Variants in SP3 observed in about 807,000 individuals in gnomAD.
The protein encoded by SP3 is transcription factor Sp3.
In SP3, 10 loss-of-function variants were observed where a neutral mutation model predicts 70.3. That is an observed-to-expected ratio of 0.14 (90% CI 0.09 to 0.24). The LOEUF (loss-of-function observed/expected upper bound fraction) is 0.24, where lower values mean the gene tolerates loss of function less well. Ranked by LOEUF, SP3 falls within the 10% of genes least tolerant of loss-of-function variation. SP3 has a pLI of 1.00. For missense variants in SP3, 825 were observed against 914.6 expected (o/e 0.90, Z 1.26); for synonymous variants, 402 against 333.5 (o/e 1.21, Z -2.24).
In SP3 at chr2:173,908,405, C is replaced by T. The variant is rs915834765; in HGVS notation, c.*1536G>A. 6.6e-6 allele frequency: 1 copy of T among 152,166 alleles called. No homozygotes were observed. The highest frequency in any genetic ancestry group is 2.1e-4 in the South Asian group (1 of 4,818). The allele number at this position is 152,166 out of a possible 1,614,324, so 9.4% of individuals were successfully genotyped here. On this transcript the variant is annotated 3_prime_UTR_variant, in exon 7 of 7. Transcript: ENST00000310015. Reference sequence around the variant, plus strand: ...TATATATCTCTTCTTCAAATAAATGCCTGTTTACAATTCAGTGTCTAAAAT... The same window carrying T: ...TATATATCTCTTCTTCAAATAAATGTCTGTTTACAATTCAGTGTCTAAAAT...
chr2:173,963,880 T>C lies in SP3; in HGVS notation c.160A>G (p.Thr54Ala). The C allele has an allele frequency of 6.7e-7, 1 of 1,503,040 alleles. No homozygotes were observed. The highest frequency in any genetic ancestry group is 8.9e-7 in the Non-Finnish European group (1 of 1,124,100). 93.1% of individuals were successfully genotyped at this position (1,503,040 alleles called of 1,614,324 possible). ...AVAAAAAAQDTQPSPLALLAA... is the reference protein window; with the variant it reads ...AVAAAAAAQDAQPSPLALLAA... ...AGCAGAGCGAGCGGTGACGGCTGAG[T>C]GTCCTACCCCCAATGGGCGGGTTCA... The change falls in exon 3 of 7, where the codon ACT becomes GCT. Residue 54 changes from threonine to alanine, a missense_variant. This residue lies in a region of SP3 where 678 missense variants were observed against 651.6 expected (regional missense o/e 1.04). Coordinates refer to ENST00000310015, the MANE Select transcript of SP3 (RefSeq NM_003111.5).
At chr2:173,921,069 T>C (rs530411195) in intron 4 of SP3, among the ~76,000 whole-genome samples, 1 of 152,180 alleles carries the variant, frequency 6.6e-6, no homozygotes, top group Non-Finnish European at 1.5e-5. Context: ...TAAAATTTCA[T>C]CAAGTTATAT....
At chr2:173,952,722 T>C (rs910145789) in intron 4 of SP3, among the ~76,000 whole-genome samples, 1 of 152,108 alleles carries the variant, frequency 6.6e-6, no homozygotes, top group African/African-American at 2.4e-5. Context: ...CAGCCATATA[T>C]AAAGAAATGA....
chr2:173,932,928 C>T (rs1317206691), intron 4 of SP3, among the ~76,000 whole-genome samples: 2 of 152,058 alleles, frequency 1.3e-5, no homozygotes, highest in East Asian at 3.9e-4. Context: ...AGAGGCAGAG[C>T]TTGCAGTGAG....
intron 4 of SP3, among the ~76,000 whole-genome samples, chr2:173,936,823 T>TA (rs1157500347): frequency 2.0e-5 from 3 of 152,060 alleles, no homozygotes; most frequent in Non-Finnish European, 4.4e-5. Flanking sequence ...TAAACCTTGT[T>TA]AGTAAACATC....
At chr2:173,956,287 CAA>C in intron 3 of SP3, 55 bp from the exon 4 acceptor site, 3 of 1,508,558 alleles carry the variant, frequency 2.0e-6, no homozygotes, top group Middle Eastern at 3.6e-4. Flanking sequence ...AATCAACCCT[CAA>C]AAAATTCTAA....
At chr2:173,956,956 A>T (rs960863041) in intron 3 of SP3, among the ~76,000 whole-genome samples, 1 of 152,166 alleles carries the variant, frequency 6.6e-6, no homozygotes, top group African/African-American at 2.4e-5. Context: ...CTGGTGTATT[A>T]ATACAATTTG....
At position 173,963,783 on chromosome 2, in the gene SP3, C is replaced by G; in HGVS notation, c.257G>C (p.Gly86Ala). Residue 86 changes from glycine (G) to alanine (A), a missense_variant, in exon 3 of 7, where the codon GGG (glycine) becomes GCG (alanine). Around this residue, in one of 4 missense-constraint regions of SP3, gnomAD observed 678 missense variants for 651.6 expected, o/e 1.04. Transcript: ENST00000310015. ...DDEEEAAAAA[G>A]APAAAGATGD... Reference sequence around the variant, plus strand: ...TACCGCTCCGGCGGCGGCGGGGGCCCCGGCTGCGGCGGCCGCCTCCTCCTC... The same window carrying G: ...TACCGCTCCGGCGGCGGCGGGGGCCGCGGCTGCGGCGGCCGCCTCCTCCTC... The G allele has an allele frequency of 7.3e-7, 1 of 1,377,026 alleles. No homozygotes were observed. The highest frequency in any genetic ancestry group is 9.5e-7 in the Non-Finnish European group (1 of 1,049,582). The allele number at this position is 1,377,026 out of a possible 1,614,324, so 85.3% of individuals were successfully genotyped here.
At position 173,915,036 on chromosome 2, in the gene SP3, C is replaced by T. The variant is rs904968956; in HGVS notation, c.1833-1770G>A. 5.9e-5 allele frequency: 9 copies of T among 152,104 alleles called. No individual in the cohort carries two copies. The East Asian group carries it at 9.6e-4, about 16-fold the overall frequency. 9.4% of individuals were successfully genotyped at this position (152,104 alleles called of 1,614,324 possible). ...GCCTACCACTCAGGTCAATAATCAA[C>T]GCGCTTTTACAAACTCAAAAGTGCA... On this transcript the variant is annotated intron_variant, in intron 5 of 6. Transcript: ENST00000310015.
chr2:173,910,018 T>C lies in SP3; in HGVS notation c.2269A>G (p.Ser757Gly), dbSNP rs371446873. 8.0e-5 allele frequency: 129 copies of C among 1,613,828 alleles called. No homozygotes were observed. The highest frequency in any genetic ancestry group is 1.1e-4 in the Non-Finnish European group (125 of 1,179,888). The change falls in exon 7 of 7, where the codon AGC becomes GGC. Residue 757 changes from serine to glycine, a missense_variant. Coordinates refer to ENST00000310015, the MANE Select transcript of SP3 (RefSeq NM_003111.5). ...GIGTVNTSAT[S>G]NQDILTNTEI... ...GTGTTGGTAAGGATATCTTGATTGCTGGTGGCGGAAGTATTAACAGTTCCT... is the reference window on the plus strand; with the variant it reads ...GTGTTGGTAAGGATATCTTGATTGCCGGTGGCGGAAGTATTAACAGTTCCT...
chr2:173,928,503 T>TA (rs369695925), intron 4 of SP3, among the ~76,000 whole-genome samples: 2,581 of 138,274 alleles, frequency 0.019, 45 homozygotes, highest in African/African-American at 0.04. Context: ...CTTCCTTCAT[T>TA]AAAAAAAAAA....
At chr2:173,964,370 G>A (rs1322969172) in intron 2 of SP3, 35 bp downstream of exon 2, 3 of 674,008 alleles carry the variant, frequency 4.5e-6, no homozygotes, top group Non-Finnish European at 8.0e-6. Context: ...AGCGGCGCGA[G>A]GGGGGAGCCG....
At chr2:173,953,068 T>C (rs1690764588) in intron 4 of SP3, among the ~76,000 whole-genome samples, 1 of 152,242 alleles carries the variant, frequency 6.6e-6, no homozygotes, top group South Asian at 2.1e-4. Context: ...AAAGCTATTA[T>C]TTTTTAAAAG....
At position 173,908,957 on chromosome 2, in the gene SP3, CTATGACTAATATCCA is replaced by C. The variant is rs1689401603; in HGVS notation, c.*969_*983del. The C allele has an allele frequency of 6.6e-6, 1 of 151,354 alleles. No homozygotes were observed. The highest frequency in any genetic ancestry group is 1.5e-5 in the Non-Finnish European group (1 of 67,658). 9.4% of individuals were successfully genotyped at this position (151,354 alleles called of 1,614,324 possible). On this transcript the variant is annotated 3_prime_UTR_variant, in exon 7 of 7. Transcript: ENST00000310015. ...AAATATCATAAAACCTCTAGTTCTT[CTATGACTAATATCCA>C]TATGGTTGGAGTATCGTCACTATGG... is the stretch of plus-strand genomic sequence containing the variant.
rs757487613 is a variant in SP3 at position 173,909,893 on chromosome 2, TCAC to T, written c.*45_*47del. 6.4e-7 allele frequency: 1 copy of T among 1,565,480 alleles called. No homozygotes were observed. The highest frequency in any genetic ancestry group is 8.7e-7 in the Non-Finnish European group (1 of 1,143,576). Reference sequence around the variant, plus strand: ...TAAGAACTTAGGAACAATATTCTTCTCACTACTGTATAAAAATAACCACAATGA... The same window carrying T: ...TAAGAACTTAGGAACAATATTCTTCTTACTGTATAAAAATAACCACAATGA... On this transcript the variant is annotated 3_prime_UTR_variant, in exon 7 of 7. Coordinates refer to ENST00000310015, the MANE Select transcript of SP3 (RefSeq NM_003111.5).
intron 4 of SP3, among the ~76,000 whole-genome samples, chr2:173,954,598 T>A (rs1455073748): frequency 6.6e-6 from 1 of 152,078 alleles, no homozygotes; most frequent in African/African-American, 2.4e-5. Flanking sequence ...CCTGACAATA[T>A]CAATCAGATG....
chr2:173,938,459 C>CAAAAAAAAAAAAAAAAA (rs747595137), intron 4 of SP3, among the ~76,000 whole-genome samples: 1 of 46,382 alleles, frequency 2.2e-5, no homozygotes, highest in Non-Finnish European at 4.2e-5. Flanking sequence ...AACTTTGCCT[C>CAAAAAAAAAAAAAAAAA]AAAAAAAAAA....
chr2:173,944,402 G>A (rs1690473257), intron 4 of SP3, among the ~76,000 whole-genome samples: 1 of 152,208 alleles, frequency 6.6e-6, no homozygotes, highest in East Asian at 1.9e-4. Context: ...AGGTGTGGTG[G>A]CACACACCTG....
intron 4 of SP3, among the ~76,000 whole-genome samples, chr2:173,949,493 C>G (rs1250628456): frequency 2.6e-5 from 4 of 151,996 alleles, no homozygotes; most frequent in Non-Finnish European, 5.9e-5. Flanking sequence ...AGTTGTGAAG[C>G]CTTGGGCCAG....
Sources: gnomAD v4.1 joint callset for allele counts (sites outside exome capture counted in the v4.1 genomes callset) on GRCh38, gnomAD v4.1.1 for gene constraint, gnomAD v4.1.1 regional missense constraint, MANE v1.5 for transcripts, NCBI Gene and HGNC (gene_info 2026-07-23, HGNC 2026-07-21) for gene names.